The following PCDH15 variants were observed in gnomAD, a reference collection of about 807,000 sequenced individuals.
The protein encoded by PCDH15 is protocadherin related 15, also known as protocadherin-15.
In PCDH15, 129 loss-of-function variants were observed where a neutral mutation model predicts 178.5. The ratio of observed to expected loss-of-function variants is 0.72; its 90% CI spans 0.63 to 0.84. The LOEUF (loss-of-function observed/expected upper bound fraction) is 0.84. Among genes scored for constraint, PCDH15 ranks in the 40% least tolerant of loss-of-function variants. The probability of loss-of-function intolerance (pLI) is 0.00; values close to 1 mark genes in which losing one functional copy is unlikely to be tolerated. For missense variants in PCDH15, 2,230 were observed against 2,099.9 expected, an observed-to-expected ratio of 1.06 and a Z score of -1.21; for synonymous variants, 800 against 732.0, an observed-to-expected ratio of 1.09 and a Z score of -1.50.
rs142305335 is a variant in PCDH15 at position 54,515,308 on chromosome 10, C to T, written c.157+12504G>A. 9.3e-3 allele frequency among the ~76,000 whole-genome samples: 1,418 copies of T among 152,298 alleles called. 10 individuals are homozygous for T. The highest frequency in any genetic ancestry group is 0.014 in the Non-Finnish European group (977 of 68,026). ...GCACTTTTCCAACGGGCTTAAAAAACGGCACACCAGGAGATTATATCCCGC... is the reference window on the plus strand; with the variant it reads ...GCACTTTTCCAACGGGCTTAAAAAATGGCACACCAGGAGATTATATCCCGC... On this transcript the variant is annotated intron_variant, in intron 3 of 37. Transcript: ENST00000644397.
At chr10:55,376,692 T>A (rs1220265537) in intron 2 of PCDH15, among the ~76,000 whole-genome samples, 1 of 152,096 alleles carries the variant, frequency 6.6e-6, no homozygotes, top group African/African-American at 2.4e-5. Context: ...TGCAAATTAG[T>A]TCAGGACTTT....
intron 2 of PCDH15, among the ~76,000 whole-genome samples, chr10:55,533,963 C>A (rs368479880): frequency 3.4e-4 from 51 of 152,078 alleles, no homozygotes; most frequent in African/African-American, 1.2e-3. Context: ...GCAAGGCTGA[C>A]CAAAGCAAGC....
In PCDH15 at chr10:54,255,350, A is replaced by T. The variant is rs1564799948; in HGVS notation, c.877-18419T>A. On this transcript the variant is annotated intron_variant, in intron 8 of 37. Coordinates refer to ENST00000644397, the MANE Select transcript of PCDH15 (RefSeq NM_001384140.1). ...TTGCTGAAATAATTCTTTGCATTGC[A>T]TTTTCATTTACATTATGCTGACCAG... 2.0e-5 allele frequency among the ~76,000 whole-genome samples: 3 copies of T among 152,080 alleles called. No individual in the cohort carries two copies. The East Asian group carries it at 5.8e-4, about 29-fold the overall frequency.
chr10:55,043,739 TA>T (rs72230385), intron 2 of PCDH15, among the ~76,000 whole-genome samples: 55,333 of 143,244 alleles, frequency 0.39, 10,959 homozygotes, highest in African/African-American at 0.45. Flanking sequence ...AATAAATAAA[TA>T]AAATAAATAA....
At chr10:55,217,781 C>A (rs1591996848) in intron 1 of PCDH15, among the ~76,000 whole-genome samples, 1 of 151,670 alleles carries the variant, frequency 6.6e-6, no homozygotes, top group East Asian at 1.9e-4. Flanking sequence ...TCTTTTTGTA[C>A]ATAAATACTT....
intron 1 of PCDH15, among the ~76,000 whole-genome samples, chr10:55,224,585 G>A (rs993859573): frequency 3.9e-5 from 6 of 152,100 alleles, no homozygotes; most frequent in Non-Finnish European, 8.8e-5. Context: ...TAGATGGTAA[G>A]TAGCACAGAA....
At chr10:54,029,392 T>C (rs1329389376) in intron 18 of PCDH15, among the ~76,000 whole-genome samples, 4 of 152,194 alleles carry the variant, frequency 2.6e-5, no homozygotes, top group African/African-American at 9.7e-5. Flanking sequence ...CAATGAACAG[T>C]AATAGCTGCA....
chr10:55,135,322 C>T (rs1269541042), intron 2 of PCDH15, among the ~76,000 whole-genome samples: 5 of 151,996 alleles, frequency 3.3e-5, no homozygotes, highest in Admixed American at 6.6e-5. Flanking sequence ...TTCGCCTCTG[C>T]CTTACATCTA....
intron 20 of PCDH15, among the ~76,000 whole-genome samples, chr10:54,012,414 C>T (rs994552444): frequency 6.6e-6 from 1 of 151,742 alleles, no homozygotes; most frequent in Non-Finnish European, 1.5e-5. Context: ...CTAGAGAGGC[C>T]AATATTAAAA....
chr10:54,674,121 C>A (rs1332700891), intron 1 of PCDH15, among the ~76,000 whole-genome samples: 1 of 152,174 alleles, frequency 6.6e-6, no homozygotes, highest in African/African-American at 2.4e-5. Context: ...AATCAACATT[C>A]TATACATATA....
At chr10:55,417,310 C>A (rs1838507436) in intron 2 of PCDH15, among the ~76,000 whole-genome samples, 1 of 151,534 alleles carries the variant, frequency 6.6e-6, no homozygotes, top group Non-Finnish European at 1.5e-5. Context: ...ATGAGAAAGA[C>A]ATTATAAGCA....
intron 26 of PCDH15, among the ~76,000 whole-genome samples, chr10:53,873,653 T>C (rs2080025095): frequency 6.6e-6 from 1 of 152,194 alleles, no homozygotes; most frequent in Non-Finnish European, 1.5e-5. Context: ...TAAAATATTC[T>C]AAGAAATCTT....
intron 2 of PCDH15, among the ~76,000 whole-genome samples, chr10:55,614,649 T>C (rs1843438666): frequency 6.6e-6 from 1 of 152,164 alleles, no homozygotes; most frequent in African/African-American, 2.4e-5. Flanking sequence ...TTAAATAAAA[T>C]TTTCTATTGA....
At chr10:54,961,628 C>T (rs1373392983) in intron 2 of PCDH15, among the ~76,000 whole-genome samples, 3 of 152,192 alleles carry the variant, frequency 2.0e-5, no homozygotes, top group Non-Finnish European at 4.4e-5. Context: ...TTCAGGGTGA[C>T]CTGCCTGCTG....
intron 19 of PCDH15, among the ~76,000 whole-genome samples, chr10:54,020,674 G>A (rs1208758602): frequency 6.6e-6 from 1 of 151,624 alleles, no homozygotes; most frequent in Non-Finnish European, 1.5e-5. Flanking sequence ...GAGAGAGAGA[G>A]AGGGATCTTT....
intron 2 of PCDH15, among the ~76,000 whole-genome samples, chr10:55,125,163 T>TTGTGTGTTTGTGTGTG (rs1837866497): frequency 7.0e-6 from 1 of 142,980 alleles, no homozygotes; most frequent in Non-Finnish European, 1.5e-5. Context: ...TTTTTTTTAA[T>TTGTGTGTTTGTGTGTG]TGTGTGTGTG....
intron 2 of PCDH15, among the ~76,000 whole-genome samples, chr10:55,086,553 G>A (rs1169361955): frequency 1.3e-5 from 2 of 151,944 alleles, no homozygotes; most frequent in African/African-American, 4.8e-5. Flanking sequence ...ATCTACCAGA[G>A]CTAAATCTGT....
At chr10:55,361,463 G>T (rs1845228506) in intron 2 of PCDH15, among the ~76,000 whole-genome samples, 1 of 151,952 alleles carries the variant, frequency 6.6e-6, no homozygotes, top group Non-Finnish European at 1.5e-5. Flanking sequence ...AAAACGATTA[G>T]AAATTTGATA....
rs541144266 is a variant in PCDH15, at chr10:55,547,910, T to TGTGTGTGAGA, written c.-156+79714_-156+79715insTCTCACACAC. Among the ~76,000 whole-genome samples the TGTGTGTGAGA allele has an allele frequency of 5.9e-3, 324 of 54,494 alleles. 14 individuals carry two copies. Among genetic ancestry groups the TGTGTGTGAGA allele is most frequent in the Middle Eastern group, 0.023 (2 of 88 alleles). The allele number at this position is 54,494 out of a possible 152,430, so 35.8% of individuals were successfully genotyped here. ...TGGTGTGTGTGTCTGTGTGTGTGTG[T>TGTGTGTGAGA]GAGAGAGAGAGAGAGAGAGAGAGAG... On this transcript the variant is annotated intron_variant, in intron 2 of 5. Coordinates refer to the PCDH15 transcript ENST00000613346.
Sources: gnomAD v4.1 joint callset for allele counts (sites outside exome capture counted in the v4.1 genomes callset) on GRCh38, gnomAD v4.1.1 for gene constraint, MANE v1.5 for transcripts, NCBI Gene and HGNC (gene_info 2026-07-23, HGNC 2026-07-21) for gene names.